SPTB: variants seen among roughly 807,000 people sequenced by gnomAD.
The protein encoded by SPTB is spectrin beta, erythrocytic, also known as spectrin beta chain, erythrocytic.
Under a neutral mutation model 256.2 loss-of-function variants are expected in SPTB, and 45 were observed. The ratio of observed to expected loss-of-function variants is 0.18; its 90% CI spans 0.14 to 0.23. The LOEUF is 0.23. SPTB is among the 10% of genes least tolerant of loss of function. The probability of loss-of-function intolerance (pLI) is 1.00; values close to 1 mark genes in which losing one functional copy is unlikely to be tolerated. For synonymous variants in SPTB, 1,231 were observed against 1,243.1 expected, an observed-to-expected ratio of 0.99 and a Z score of 0.21; for missense variants, 2,715 against 3,040.4, an observed-to-expected ratio of 0.89 and a Z score of 2.52.
intron 33 of SPTB, among the ~76,000 whole-genome samples, chr14:64,751,858 C>T (rs966234279): frequency 2.7e-5 from 4 of 146,526 alleles, no homozygotes; most frequent in Admixed American, 6.9e-5. Context: ...CTGAGGCAGG[C>T]GGATCATGCG....
At chr14:64,781,767 T>A (rs1355441805) in intron 20 of SPTB, among the ~76,000 whole-genome samples, 1 of 152,278 alleles carries the variant, frequency 6.6e-6, no homozygotes, top group Non-Finnish European at 1.5e-5. Context: ...TGTACACTTA[T>A]GTTCACTGCA....
chr14:64,797,585 A>G (rs2082800335), intron 10 of SPTB, 144 bp downstream of exon 10: 1 of 753,198 alleles, frequency 1.3e-6, no homozygotes, highest in Admixed American at 1.8e-5. Context: ...ACCAGGTTCG[A>G]TAACTCCCCC....
rs2083605838 is a variant in SPTB at position 64,841,450 on chromosome 14, A to G, written c.-51-18305T>C. ...ATCTAGCTCAACACCAGGCAACAAGAGCATCAAGAAAGGCAACAGGAAAGA... is the reference window on the plus strand; with the variant it reads ...ATCTAGCTCAACACCAGGCAACAAGGGCATCAAGAAAGGCAACAGGAAAGA... On this transcript the variant is annotated intron_variant, in intron 1 of 35. Coordinates refer to ENST00000644917, the MANE Select transcript of SPTB (RefSeq NM_001355436.2). The surrounding 1 kb of genome is among the most constrained non-coding windows in gnomAD (Gnocchi z 4.6). Among the ~76,000 whole-genome samples the G allele has an allele frequency of 2.6e-5, 4 of 152,196 alleles. No homozygotes were observed. Among genetic ancestry groups the G allele is most frequent in the Admixed American group, 2.6e-4 (4 of 15,280 alleles).
chr14:64,843,272 G>A (rs956834785), intron 1 of SPTB, among the ~76,000 whole-genome samples: 1 of 152,126 alleles, frequency 6.6e-6, no homozygotes, highest in Non-Finnish European at 1.5e-5. Context: ...GAGAAGACAC[G>A]CAGAGGCAAC....
chr14:64,776,539 C>G (rs2082359328), intron 22 of SPTB, among the ~76,000 whole-genome samples: 1 of 152,148 alleles, frequency 6.6e-6, no homozygotes, highest in Admixed American at 6.5e-5. Context: ...TTCCCAGGCT[C>G]AGATGATTCT....
At chr14:64,782,725 G>T (rs1374002265) in intron 19 of SPTB, among the ~76,000 whole-genome samples, 172 bp from the exon 20 acceptor site, 1 of 151,804 alleles carries the variant, frequency 6.6e-6, no homozygotes, top group Non-Finnish European at 1.5e-5. Context: ...GCATTAGCAG[G>T]GGTGTCCAAA....
rs201451634 is a variant in SPTB, at chr14:64,793,184, G to A, written c.2479C>T (p.Arg827Trp). 134 of 1,613,262 alleles carry A rather than the reference G, an allele frequency of 8.3e-5. No individual in the cohort carries two copies. Among genetic ancestry groups the A allele is most frequent in the Admixed American group, 3.5e-4 (21 of 60,012 alleles). The change falls in exon 14 of 36, where the codon CGG (arginine) becomes TGG (tryptophan). Residue 827 changes from arginine (R) to tryptophan (W), a missense_variant. This residue lies in a region of SPTB where 2,239 missense variants were observed against 2,384.4 expected (regional missense o/e 0.94). Coordinates refer to ENST00000644917, the MANE Select transcript of SPTB (RefSeq NM_001355436.2). This position sits in a 1 kb window ranked among gnomAD's most constrained non-coding sequence, Gnocchi z 7.0. Reference protein sequence around the residue: ...PDVTHRLQALRELYQQVVAQA... With the variant: ...PDVTHRLQALWELYQQVVAQA... ...GCCACCACCTGTTGGTAGAGCTCCCGCAGGGCCTGCAGCCGATGGGTCACA... is the reference window on the plus strand; with the variant it reads ...GCCACCACCTGTTGGTAGAGCTCCCACAGGGCCTGCAGCCGATGGGTCACA...
rs1207373327 is a variant in SPTB, at chr14:64,823,175, ATC to A, written c.-51-32_-51-31del. The A allele has an allele frequency of 2.6e-6, 4 of 1,552,702 alleles. No homozygotes were observed. The highest frequency in any genetic ancestry group is 3.6e-6 in the Non-Finnish European group (4 of 1,125,662). ...GGGACAGCAACACAGTCAGAGGGTT[ATC>A]TCTCTACCCCCTCGGACTTTTTCTC... On this transcript the variant is annotated intron_variant, in intron 1 of 35. Transcript: ENST00000644917. The surrounding 1 kb of genome is among the most constrained non-coding windows in gnomAD (Gnocchi z 6.5).
intron 2 of SPTB, among the ~76,000 whole-genome samples, chr14:64,818,380 G>C (rs2083229301): frequency 6.6e-6 from 1 of 152,224 alleles, no homozygotes; most frequent in East Asian, 1.9e-4. Context: ...GCCAAGCTGT[G>C]TGCATGGGTA....
chr14:64,846,448 G>T (rs1390541658), intron 1 of SPTB, among the ~76,000 whole-genome samples: 1 of 152,276 alleles, frequency 6.6e-6, no homozygotes, highest in African/African-American at 2.4e-5. Flanking sequence ...CACAGATATA[G>T]AGAGAGAGCA....
At chr14:64,814,429 ATC>A (rs2083151789) in intron 2 of SPTB, among the ~76,000 whole-genome samples, 2 of 152,162 alleles carry the variant, frequency 1.3e-5, no homozygotes, top group Non-Finnish European at 2.9e-5. Context: ...GGTTTCCTTT[ATC>A]TGTTTTTCTC....
intron 1 of SPTB, among the ~76,000 whole-genome samples, chr14:64,876,530 G>A (rs1219082906): frequency 5.3e-5 from 8 of 152,266 alleles, no homozygotes; most frequent in Admixed American, 5.2e-4. Context: ...GTTAAAACAC[G>A]TATCTGACGG....
At position 64,772,286 on chromosome 14, in the gene SPTB, G is replaced by A. The variant is rs1025172225; in HGVS notation, c.5553+294C>T. ...ACATACATTGCTCAGAAGAGCACCT[G>A]GTGCTAGAAAAGTGCTGTGCGTGTG... On this transcript the variant is annotated intron_variant, in intron 26 of 35. Coordinates refer to ENST00000644917, the MANE Select transcript of SPTB (RefSeq NM_001355436.2). The surrounding 1 kb of genome is among the most constrained non-coding windows in gnomAD (Gnocchi z 5.4). 5.9e-5 allele frequency among the ~76,000 whole-genome samples: 9 copies of A among 152,250 alleles called. No individual in the cohort carries two copies. Among genetic ancestry groups the A allele is most frequent in the African/African-American group, 2.2e-4 (9 of 41,466 alleles).
chr14:64,857,504 T>C (rs1028164652), intron 1 of SPTB, among the ~76,000 whole-genome samples: 1 of 135,166 alleles, frequency 7.4e-6, no homozygotes, highest in African/African-American at 2.8e-5. Flanking sequence ...CTTGAGCCCA[T>C]GAAGTTGAGG....
chr14:64,821,240 A>C (rs919024931), intron 2 of SPTB, among the ~76,000 whole-genome samples: 2 of 152,124 alleles, frequency 1.3e-5, no homozygotes, highest in Non-Finnish European at 2.9e-5. Context: ...ATGCTAATTA[A>C]TTGTGAACAT....
intron 20 of SPTB, among the ~76,000 whole-genome samples, chr14:64,781,937 C>T (rs1215760365): frequency 6.6e-6 from 1 of 152,144 alleles, no homozygotes; most frequent in Non-Finnish European, 1.5e-5. Flanking sequence ...AGCTGGAGGC[C>T]ATTATCCTTA....
chr14:64,876,084 C>G (rs1384707584), intron 1 of SPTB, among the ~76,000 whole-genome samples: 1 of 152,242 alleles, frequency 6.6e-6, no homozygotes, highest in East Asian at 1.9e-4. Flanking sequence ...CCTCCCTTAG[C>G]CTCCGAAGTA....
rs1055679156 is a variant in SPTB, at chr14:64,748,020, T to C, written c.*1286A>G. 1.3e-5 allele frequency: 2 copies of C among 152,002 alleles called. No individual in the cohort carries two copies. Among genetic ancestry groups the C allele is most frequent in the African/African-American group, 4.8e-5 (2 of 41,320 alleles). The allele number at this position is 152,002 out of a possible 1,614,324, so 9.4% of individuals were successfully genotyped here. ...GCTCAGGGCTGGAGGGTGGTAGATA[T>C]TTGACCTCTGTACTCATGTGACCCC... On this transcript the variant is annotated 3_prime_UTR_variant, in exon 36 of 36. Transcript: ENST00000644917.
Position 64,792,858 on chromosome 14 carries a change from G to T in SPTB, c.2666+139C>A. ...CAGAATAGAACTTATGACTCCTAAT[G>T]CCAGGACTTTGCAACAAAGGACATC... On this transcript the variant is annotated intron_variant, in intron 14 of 35. Transcript: ENST00000644917. The surrounding 1 kb of genome is among the most constrained non-coding windows in gnomAD (Gnocchi z 4.2). 1 of 1,204,178 alleles carries T rather than the reference G, an allele frequency of 8.3e-7. No individual in the cohort carries two copies. The highest frequency in any genetic ancestry group is 1.2e-6 in the Non-Finnish European group (1 of 845,070). 74.6% of individuals were successfully genotyped at this position (1,204,178 alleles called of 1,614,324 possible).
Sources: allele counts gnomAD v4.1 joint callset (sites outside exome capture counted in the v4.1 genomes callset), GRCh38; gene constraint gnomAD v4.1.1; regional missense constraint gnomAD v4.1.1; non-coding constraint Gnocchi (gnomAD v3.1); transcripts MANE v1.5; gene names NCBI Gene and HGNC (gene_info 2026-07-23, HGNC 2026-07-21).